The following TNFSF4 variants were observed in gnomAD, a reference collection of about 807,000 sequenced individuals.
The protein encoded by TNFSF4 is tumor necrosis factor ligand superfamily member 4.
Under a neutral mutation model 7.3 loss-of-function variants are expected in TNFSF4, and 4 were observed. The observed-to-expected ratio is 0.55, with a 90% CI of 0.27 to 1.25. TNFSF4 has a LOEUF of 1.25. Ranked by LOEUF, TNFSF4 falls within the 50% of genes most tolerant of loss-of-function variation. The probability of loss-of-function intolerance (pLI) is 0.12; values close to 1 mark genes in which losing one functional copy is unlikely to be tolerated. For missense variants in TNFSF4, 181 were observed against 208.8 expected (o/e 0.87, Z 0.82); for synonymous variants, 76 against 83.7 (o/e 0.91, Z 0.50).
At chr1:173,229,264 T>G in the TNFSF4 span, among the ~76,000 whole-genome samples, 1 of 151,860 alleles carries the variant, frequency 6.6e-6, no homozygotes, top group African/African-American at 2.4e-5. Flanking sequence ...CAGAAGAGAG[T>G]GGGGGCCAAT....
the TNFSF4 span, among the ~76,000 whole-genome samples, chr1:173,242,477 G>T: frequency 6.6e-6 from 1 of 152,196 alleles, no homozygotes; most frequent in African/African-American, 2.4e-5. Flanking sequence ...AAAAGAATTA[G>T]AGTAGCACTG....
the TNFSF4 span, among the ~76,000 whole-genome samples, chr1:173,322,063 C>T: frequency 2.6e-5 from 4 of 152,138 alleles, no homozygotes; most frequent in African/African-American, 4.8e-5. Context: ...TGGAACCAAC[C>T]CAAACGCCGA....
the TNFSF4 span, among the ~76,000 whole-genome samples, chr1:173,332,651 C>G: frequency 6.6e-6 from 1 of 152,138 alleles, no homozygotes; most frequent in Non-Finnish European, 1.5e-5. Flanking sequence ...GTCAGGAGTT[C>G]AAGACTTGCC....
the TNFSF4 span, among the ~76,000 whole-genome samples, chr1:173,247,708 G>A: frequency 1.3e-5 from 2 of 152,146 alleles, no homozygotes; most frequent in Admixed American, 1.3e-4. Flanking sequence ...TGTCTTCAGT[G>A]ATGTAGGAAA....
the TNFSF4 span, among the ~76,000 whole-genome samples, chr1:173,420,456 T>C: frequency 6.6e-6 from 1 of 152,202 alleles, no homozygotes; most frequent in Non-Finnish European, 1.5e-5. Flanking sequence ...GCCCTCTGGG[T>C]TTAGCATGTT....
the TNFSF4 span, among the ~76,000 whole-genome samples, chr1:173,431,548 G>A: frequency 6.6e-6 from 1 of 152,242 alleles, no homozygotes; most frequent in African/African-American, 2.4e-5. Context: ...TGCCTTCAGT[G>A]AACCAACTGA....
the TNFSF4 span, among the ~76,000 whole-genome samples, chr1:173,360,212 G>GTCTATTGACATA: frequency 3.7e-3 from 570 of 152,326 alleles, 5 homozygotes; most frequent in African/African-American, 0.012. Context: ...CTATTGACAG[G>GTCTATTGACATA]TGAAGAGCAT....
At chr1:173,193,170 C>G (rs748511801) in intron 1 of TNFSF4, among the ~76,000 whole-genome samples, 1 of 152,146 alleles carries the variant, frequency 6.6e-6, no homozygotes, top group Non-Finnish European at 1.5e-5. Context: ...GACATTTGGT[C>G]TACCCCCACA....
the TNFSF4 span, among the ~76,000 whole-genome samples, chr1:173,318,059 C>T: frequency 6.6e-6 from 1 of 152,180 alleles, no homozygotes; most frequent in African/African-American, 2.4e-5. Flanking sequence ...CACTTCAACA[C>T]GTAGTAGCTG....
At chr1:173,175,716 A>G in the TNFSF4 span, among the ~76,000 whole-genome samples, 1 of 152,314 alleles carries the variant, frequency 6.6e-6, no homozygotes, top group African/African-American at 2.4e-5. Flanking sequence ...ACATTATGGG[A>G]AAAACAATCA....
chr1:173,278,087 A>T, the TNFSF4 span, among the ~76,000 whole-genome samples: 2 of 152,108 alleles, frequency 1.3e-5, no homozygotes, highest in Non-Finnish European at 2.9e-5. Flanking sequence ...CTCTCAGATC[A>T]TTTAAATAGG....
chr1:173,415,364 G>A, the TNFSF4 span, among the ~76,000 whole-genome samples: 1 of 152,210 alleles, frequency 6.6e-6, no homozygotes, highest in Non-Finnish European at 1.5e-5. Context: ...TAGCTACAGA[G>A]AAAAGTCAAA....
At chr1:173,191,546 C>G (rs1386846321) in intron 1 of TNFSF4, among the ~76,000 whole-genome samples, 1 of 152,164 alleles carries the variant, frequency 6.6e-6, no homozygotes, top group East Asian at 1.9e-4. Flanking sequence ...TCTGAAGAGC[C>G]TGGCTCCAAC....
the TNFSF4 span, among the ~76,000 whole-genome samples, chr1:173,394,577 G>A: frequency 6.6e-6 from 1 of 152,168 alleles, no homozygotes; most frequent in African/African-American, 2.4e-5. Context: ...CCCAAATGAG[G>A]ATTGGCATTG....
chr1:173,303,562 C>A, the TNFSF4 span, among the ~76,000 whole-genome samples: 1 of 151,844 alleles, frequency 6.6e-6, no homozygotes, highest in East Asian at 1.9e-4. Context: ...TGCTCTATCA[C>A]CTAGTTTATG....
chr1:173,305,055 G>T, the TNFSF4 span, among the ~76,000 whole-genome samples: 1 of 151,852 alleles, frequency 6.6e-6, no homozygotes, highest in African/African-American at 2.4e-5. Context: ...TCACAAAAAC[G>T]AACAGGAATT....
At chr1:173,274,373 T>C in the TNFSF4 span, among the ~76,000 whole-genome samples, 1 of 152,122 alleles carries the variant, frequency 6.6e-6, no homozygotes, top group African/African-American at 2.4e-5. Flanking sequence ...TTTATTCTTA[T>C]ATGTTGCTGT....
the TNFSF4 span, among the ~76,000 whole-genome samples, chr1:173,439,235 T>C: frequency 1.3e-5 from 2 of 152,378 alleles, no homozygotes; most frequent in Non-Finnish European, 2.9e-5. Context: ...ACAATGTACA[T>C]GCAAATGTCT....
the TNFSF4 span, among the ~76,000 whole-genome samples, chr1:173,230,958 C>G: frequency 6.6e-6 from 1 of 152,118 alleles, no homozygotes; most frequent in African/African-American, 2.4e-5. Context: ...AATCAATAGC[C>G]TACCAACCAA....
Sources: gnomAD v4.1 joint callset for allele counts (sites outside exome capture counted in the v4.1 genomes callset) on GRCh38, gnomAD v4.1.1 for gene constraint, MANE v1.5 for transcripts, NCBI Gene and HGNC (gene_info 2026-07-23, HGNC 2026-07-21) for gene names.